Variants in ULK2 observed in about 807,000 individuals in gnomAD.
ULK2 encodes the protein unc-51 like autophagy activating kinase 2, also known as serine/threonine-protein kinase ULK2.
In ULK2, 76 loss-of-function variants were observed where a neutral mutation model predicts 127.5. The ratio of observed to expected loss-of-function variants is 0.60; its 90% CI spans 0.50 to 0.72. The LOEUF (loss-of-function observed/expected upper bound fraction) is 0.72. Ranked by LOEUF, ULK2 falls within the 30% of genes least tolerant of loss-of-function variation. ULK2 has a pLI of 0.00. For synonymous variants in ULK2, 452 were observed against 461.9 expected, an observed-to-expected ratio of 0.98 and a Z score of 0.28; for missense variants, 1,144 against 1,295.9, an observed-to-expected ratio of 0.88 and a Z score of 1.80.
At chr17:19,778,768 C>CA (rs1399787649) in intron 25 of ULK2, among the ~76,000 whole-genome samples, 4 of 151,342 alleles carry the variant, frequency 2.6e-5, no homozygotes, top group Non-Finnish European at 5.9e-5. Context: ...CTCTCTCCTT[C>CA]AAAAAAAATA....
intron 3 of ULK2, among the ~76,000 whole-genome samples, chr17:19,853,229 G>GTT (rs941603149): frequency 2.0e-5 from 3 of 151,630 alleles, no homozygotes; most frequent in African/African-American, 7.3e-5. Context: ...CCACCTCCAG[G>GTT]GTTCAAGCGA....
In ULK2 at chr17:19,777,586, T is replaced by C. The variant is rs768330329; in HGVS notation, c.3047A>G (p.His1016Arg). The change falls in exon 26 of 27, where the codon CAT becomes CGT. Residue 1016 changes from histidine (H) to arginine (R), a missense_variant. Transcript: ENST00000395544. ...LQDPADIENVHKYKCSIERRL... is the reference protein window; with the variant it reads ...LQDPADIENVRKYKCSIERRL... ...TACTTTGTAAGTCAACTTACATTTA[T>C]GCACATTTTCAATATCTGCAGGGTC... is the stretch of plus-strand genomic sequence containing the variant. 8.8e-6 allele frequency: 14 copies of C among 1,597,994 alleles called. No homozygotes were observed. The highest frequency in any genetic ancestry group is 1.1e-5 in the South Asian group (1 of 87,440).
intron 3 of ULK2, among the ~76,000 whole-genome samples, chr17:19,857,295 G>A (rs1308234368): frequency 1.4e-5 from 2 of 143,984 alleles, no homozygotes; most frequent in Non-Finnish European, 3.0e-5. Context: ...GTGACAGAGT[G>A]AGACTCTGTC....
At chr17:19,829,440 G>A (rs1437306561) in intron 10 of ULK2, among the ~76,000 whole-genome samples, 1 of 150,944 alleles carries the variant, frequency 6.6e-6, no homozygotes, top group African/African-American at 2.4e-5. Context: ...GAGGGGCAGA[G>A]GTGAGAGGAT....
At chr17:19,804,156 G>C (rs1366040115) in intron 15 of ULK2, among the ~76,000 whole-genome samples, 1 of 151,856 alleles carries the variant, frequency 6.6e-6, no homozygotes, top group East Asian at 1.9e-4. Flanking sequence ...GCTGAGACGG[G>C]AGGATCGCTT....
intron 24 of ULK2, 148 bp downstream of exon 24, chr17:19,780,838 A>G: frequency 1.1e-6 from 1 of 948,892 alleles, no homozygotes; most frequent in Non-Finnish European, 1.6e-6. Context: ...TTGAACTGCA[A>G]AAAGCTAACA....
At chr17:19,854,234 C>T (rs528635236) in intron 3 of ULK2, among the ~76,000 whole-genome samples, 56 of 150,104 alleles carry the variant, frequency 3.7e-4, no homozygotes, top group South Asian at 3.6e-3. Context: ...GCCAAGATTG[C>T]GCCACTGCAC....
In ULK2 at chr17:19,825,162, T is replaced by C. The variant is rs1173853468; in HGVS notation, c.856A>G (p.Met286Val). The change falls in exon 12 of 27, where the codon ATG becomes GTG. Residue 286 changes from methionine (M) to valine (V), a missense_variant. Around this residue, in one of 2 missense-constraint regions of ULK2, gnomAD observed 913 missense variants for 970.5 expected, o/e 0.94. Transcript: ENST00000395544. Reference sequence around the variant, plus strand: ...CTTCCAGAGACAGAACCAGAATACATGGGCACTGGAACTGGGCAAGCTAGG... The same window carrying C: ...CTTCCAGAGACAGAACCAGAATACACGGGCACTGGAACTGGGCAAGCTAGG... The part of the protein sequence containing the change: ...VKKSCPVPVP[M>V]YSGSVSGSSC... 21 of 1,613,972 alleles carry C rather than the reference T, an allele frequency of 1.3e-5. No homozygotes were observed. Among genetic ancestry groups the C allele is most frequent in the Non-Finnish European group, 1.8e-5 (21 of 1,180,020 alleles).
chr17:19,779,014 G>A (rs205096), intron 25 of ULK2, among the ~76,000 whole-genome samples: 143,816 of 152,280 alleles, frequency 0.94, 68,081 homozygotes, highest in Non-Finnish European at 0.97. Flanking sequence ...TATCATATGA[G>A]GTCTCAACTC....
chr17:19,820,525 C>T (rs1308061681), intron 12 of ULK2, among the ~76,000 whole-genome samples: 2 of 152,142 alleles, frequency 1.3e-5, no homozygotes, highest in South Asian at 4.1e-4. Context: ...ATGGAAAAGG[C>T]CTATATTTGA....
At chr17:19,777,788 G>A in intron 25 of ULK2, 72 bp from the exon 26 acceptor site, 1 of 1,513,876 alleles carries the variant, frequency 6.6e-7, no homozygotes, top group African/African-American at 1.4e-5. Flanking sequence ...GGGCAATGAA[G>A]CTTTAAATGG....
intron 3 of ULK2, among the ~76,000 whole-genome samples, chr17:19,856,646 A>G (rs144735959): frequency 2.7e-4 from 40 of 150,730 alleles, no homozygotes; most frequent in African/African-American, 9.5e-4. Context: ...CTTTTTATAT[A>G]TGTCAATTTG....
At chr17:19,866,024 A>T (rs1237566801) in intron 1 of ULK2, among the ~76,000 whole-genome samples, 196 bp from the exon 2 acceptor site, 1 of 152,224 alleles carries the variant, frequency 6.6e-6, no homozygotes, top group Non-Finnish European at 1.5e-5. Context: ...TTCTAAAAAT[A>T]ACAAATATGA....
intron 18 of ULK2, 99 bp from the exon 19 acceptor site, chr17:19,796,381 T>G (rs998348217): frequency 3.6e-6 from 4 of 1,118,364 alleles, no homozygotes; most frequent in Admixed American, 7.0e-5. Flanking sequence ...GTCAGGAGCA[T>G]GTAGGAGATA....
chr17:19,837,642 T>G (rs1325031163), intron 10 of ULK2, among the ~76,000 whole-genome samples: 3 of 152,148 alleles, frequency 2.0e-5, no homozygotes, highest in Non-Finnish European at 4.4e-5. Context: ...CAACATCCTT[T>G]CAGCTGCTCA....
At chr17:19,821,599 T>C (rs1033762953) in intron 12 of ULK2, among the ~76,000 whole-genome samples, 1 of 152,238 alleles carries the variant, frequency 6.6e-6, no homozygotes, top group African/African-American at 2.4e-5. Context: ...TTTTGGCAGA[T>C]GATGTTAAAT....
chr17:19,845,574 A>G (rs551845211), intron 6 of ULK2, among the ~76,000 whole-genome samples, 197 bp from the exon 7 acceptor site: 1 of 152,338 alleles, frequency 6.6e-6, no homozygotes, highest in East Asian at 1.9e-4. Context: ...CGTCAACTGT[A>G]CAAGTCACTG....
Position 19,804,676 on chromosome 17 carries a change from A to T in ULK2, c.1295+17T>A. The T allele has an allele frequency of 6.4e-7, 1 of 1,562,152 alleles. No individual in the cohort carries two copies. The highest frequency in any genetic ancestry group is 1.9e-5 in the Admixed American group (1 of 51,396). ...GAGATGAAAAAGAATTAAGCAAGAA[A>T]AAAGCTACTAACTTACCTTGGAGAA... is the stretch of plus-strand genomic sequence containing the variant. On this transcript the variant is annotated intron_variant, in intron 15 of 26. Coordinates refer to ENST00000395544, the MANE Select transcript of ULK2 (RefSeq NM_014683.4).
intron 10 of ULK2, among the ~76,000 whole-genome samples, chr17:19,831,027 T>TGA (rs1555561409): frequency 9.5e-5 from 13 of 136,932 alleles, no homozygotes; most frequent in Non-Finnish European, 3.1e-5. Context: ...ACTCCGTCGC[T>TGA]AAAAAAAAAA....
Sources: gnomAD v4.1 joint callset for allele counts (sites outside exome capture counted in the v4.1 genomes callset) on GRCh38, gnomAD v4.1.1 for gene constraint, gnomAD v4.1.1 regional missense constraint, MANE v1.5 for transcripts, NCBI Gene and HGNC (gene_info 2026-07-23, HGNC 2026-07-21) for gene names.